Variants in ADRA1B observed in about 807,000 individuals in gnomAD.
ADRA1B encodes alpha-1B adrenergic receptor.
In ADRA1B, 17 loss-of-function variants were observed where a neutral mutation model predicts 17.9. The observed-to-expected ratio is 0.95, with a 90% CI of 0.65 to 1.42. The LOEUF is 1.42. Ranked by LOEUF, ADRA1B falls within the 40% of genes most tolerant of loss-of-function variation. The probability of loss-of-function intolerance (pLI) is 0.00; values close to 1 mark genes in which losing one functional copy is unlikely to be tolerated. For missense variants in ADRA1B, 681 were observed against 722.1 expected, an observed-to-expected ratio of 0.94 and a Z score of 0.65; for synonymous variants, 366 against 327.6, an observed-to-expected ratio of 1.12 and a Z score of -1.27.
chr5:159,983,196 C>A, the ADRA1B span, among the ~76,000 whole-genome samples: 1 of 152,206 alleles, frequency 6.6e-6, no homozygotes, highest in African/African-American at 2.4e-5. Context: ...GGCTTCCCCA[C>A]AGGACAGAGT....
the ADRA1B span, among the ~76,000 whole-genome samples, chr5:159,985,238 C>A: frequency 1.3e-5 from 2 of 152,214 alleles, no homozygotes; most frequent in Non-Finnish European, 2.9e-5. Context: ...TAAAACAGAT[C>A]ATCTGTCACT....
chr5:159,951,974 G>A (rs766423937), intron 1 of ADRA1B, among the ~76,000 whole-genome samples: 8 of 152,122 alleles, frequency 5.3e-5, no homozygotes, highest in Non-Finnish European at 1.0e-4. Flanking sequence ...CTTTCACAAG[G>A]CCTGGAGATG....
At chr5:159,965,287 G>T (rs1461110738) in intron 1 of ADRA1B, among the ~76,000 whole-genome samples, 2 of 152,196 alleles carry the variant, frequency 1.3e-5, no homozygotes, top group African/African-American at 4.8e-5. Context: ...GGCAGGGCAA[G>T]GAGCATCAGG....
intron 1 of ADRA1B, among the ~76,000 whole-genome samples, chr5:159,906,874 C>G (rs1363758593): frequency 3.3e-5 from 5 of 152,150 alleles, no homozygotes; most frequent in African/African-American, 9.7e-5. Flanking sequence ...TCCACTTAGT[C>G]CCTGGGATTT....
intron 1 of ADRA1B, among the ~76,000 whole-genome samples, chr5:159,934,998 T>C (rs530442023): frequency 5.3e-5 from 8 of 152,252 alleles, no homozygotes; most frequent in Non-Finnish European, 1.2e-4. Context: ...AAAACACTAG[T>C]AAATATTTCA....
intron 1 of ADRA1B, among the ~76,000 whole-genome samples, chr5:159,938,909 G>A (rs766178748): frequency 9.9e-5 from 15 of 152,112 alleles, no homozygotes; most frequent in Non-Finnish European, 2.2e-4. Context: ...TAAATTTGGG[G>A]GCAGCCAGTC....
chr5:159,920,716 G>A (rs949144011), intron 1 of ADRA1B, among the ~76,000 whole-genome samples: 1 of 152,126 alleles, frequency 6.6e-6, no homozygotes, highest in Admixed American at 6.5e-5. Context: ...TTTTCTTAAT[G>A]ATTCAGGAAG....
In ADRA1B at chr5:159,867,752, A is replaced by G. The variant is rs183423459; in HGVS notation, c.-256+2546A>G. ...ACTTTCCATTATTTCCTTTGACCAC[A>G]TGATGACAGATGTCAGAGAGTCCCT... On this transcript the variant is annotated intron_variant, in intron 1 of 2. Transcript: ENST00000641205. The G allele has an allele frequency of 1.6e-4, 25 of 152,320 alleles. No individual in the cohort carries two copies. The East Asian group carries it at 4.4e-3, about 27-fold the overall frequency. The allele number at this position is 152,320 out of a possible 1,614,324, so 9.4% of individuals were successfully genotyped here.
At chr5:159,922,783 C>T (rs1040063268) in intron 1 of ADRA1B, among the ~76,000 whole-genome samples, 9 of 152,236 alleles carry the variant, frequency 5.9e-5, no homozygotes, top group African/African-American at 2.2e-4. Context: ...TCAGTGGGTA[C>T]TGTGTCCAGG....
chr5:159,943,912 TCA>T (rs70987984), intron 1 of ADRA1B, among the ~76,000 whole-genome samples: 24,072 of 147,170 alleles, frequency 0.16, 2,030 homozygotes, highest in East Asian at 0.33. Context: ...TCTGTCTCTC[TCA>T]CACACACACA....
intron 1 of ADRA1B, chr5:159,950,676 G>T (rs781372029): frequency 6.9e-6 from 5 of 729,418 alleles, no homozygotes; most frequent in Non-Finnish European, 1.3e-5. Context: ...GCTCAGTGTC[G>T]CCCCAGATGC....
intron 1 of ADRA1B, chr5:159,868,277 G>GA (rs1166558002): frequency 2.0e-5 from 3 of 152,198 alleles, no homozygotes; most frequent in African/African-American, 7.2e-5. Flanking sequence ...AATGAAATGG[G>GA]AAAAGATGCA....
Position 159,972,040 on chromosome 5 carries a change from G to A in ADRA1B, c.1111G>A (p.Gly371Ser), listed in dbSNP as rs1561612891. 7.3e-7 allele frequency: 1 copy of A among 1,378,408 alleles called. No individual in the cohort carries two copies. The highest frequency in any genetic ancestry group is 9.4e-7 in the Non-Finnish European group (1 of 1,064,636). 85.4% of individuals were successfully genotyped at this position (1,378,408 alleles called of 1,614,324 possible). A position where few individuals can be genotyped will look rare whatever the true frequency, so the allele number is the denominator to read the frequency against. The change falls in exon 2 of 2, where the codon GGC becomes AGC. Residue 371 changes from glycine to serine, a missense_variant. By Grantham distance (56) the Gly-to-Ser change is moderately conservative. Transcript: ENST00000306675. ...CCTCGGGTGCCAGTGCCGCGGCCGC[G>A]GCCGCCGCCGACGCCGCCGCCGCCG... ...RILGCQCRGR[G>S]RRRRRRRRRL...
intron 1 of ADRA1B, among the ~76,000 whole-genome samples, chr5:159,886,743 G>A (rs757715178): frequency 2.0e-4 from 31 of 152,046 alleles, no homozygotes; most frequent in Non-Finnish European, 3.2e-4. Flanking sequence ...GAGTGTTGTG[G>A]TTATGAGCAT....
At chr5:159,956,475 C>T (rs1490206748) in intron 1 of ADRA1B, among the ~76,000 whole-genome samples, 1 of 151,940 alleles carries the variant, frequency 6.6e-6, no homozygotes, top group Non-Finnish European at 1.5e-5. Flanking sequence ...TGCTTTTTTG[C>T]TACTTAATTT....
intron 1 of ADRA1B, chr5:159,947,752 A>G (rs1755316817): frequency 1.0e-6 from 1 of 985,356 alleles, no homozygotes; most frequent in African/African-American, 1.7e-5. Context: ...GAAAGAAATG[A>G]ATGAGCACAA....
At chr5:159,913,444 C>G (rs369438577), upstream of ADRA1B, among the ~76,000 whole-genome samples, 18 of 152,312 alleles carry the variant, frequency 1.2e-4, no homozygotes, top group South Asian at 3.1e-3. Context: ...AAGGCTAATA[C>G]CTGTTCCCCT....
At chr5:159,922,437 G>A (rs980395384) in intron 1 of ADRA1B, among the ~76,000 whole-genome samples, 5 of 152,212 alleles carry the variant, frequency 3.3e-5, no homozygotes, top group African/African-American at 9.6e-5. Context: ...TTTGCTGTCT[G>A]ATAGCAACCT....
At chr5:159,916,243 G>A (rs1480262162), upstream of ADRA1B, 1 of 151,458 alleles carries the variant, frequency 6.6e-6, no homozygotes, top group Non-Finnish European at 1.5e-5. Flanking sequence ...TAACCCCAGC[G>A]GGCCGCCTAG....
Sources: gnomAD v4.1 joint callset for allele counts (sites outside exome capture counted in the v4.1 genomes callset) on GRCh38, gnomAD v4.1.1 for gene constraint, MANE v1.5 for transcripts, NCBI Gene and HGNC (gene_info 2026-07-23, HGNC 2026-07-21) for gene names.